Variants in CELSR2 observed in about 807,000 individuals in gnomAD.
CELSR2 encodes the protein EGF-like protein 2.
Under a neutral mutation model 251.6 loss-of-function variants are expected in CELSR2, and 81 were observed. The ratio of observed to expected loss-of-function variants is 0.32; its 90% CI spans 0.27 to 0.39. CELSR2 has a LOEUF of 0.39. Ranked by LOEUF, CELSR2 falls within the 10% of genes least tolerant of loss-of-function variation. CELSR2 has a pLI of 1.00. For synonymous variants in CELSR2, 1,721 were observed against 1,670.5 expected (o/e 1.03, Z -0.74); for missense variants, 3,365 against 3,947.7 (o/e 0.85, Z 3.96).
chr1:109,268,163 T>C (rs1656258032), intron 17 of CELSR2, 103 bp downstream of exon 17: 1 of 1,458,880 alleles, frequency 6.9e-7, no homozygotes, highest in Admixed American at 2.2e-5. Context: ...CCATCCCACC[T>C]ACAAGGAGCT....
At position 109,269,093 on chromosome 1, in the gene CELSR2, A is replaced by G. The variant is rs770905921; in HGVS notation, c.6632-17A>G. The stretch of plus-strand genomic sequence containing the variant: ...AGAGAGCAGGGCCCAGCTAAGTGTG[A>G]CAGTGTCCCCTCCCAGAGACGCCCC... On this transcript the variant is annotated splice_polypyrimidine_tract_variant and intron_variant, in intron 19 of 33. Coordinates refer to ENST00000271332, the MANE Select transcript of CELSR2 (RefSeq NM_001408.3). The surrounding 1 kb of genome is among the most constrained non-coding windows in gnomAD (Gnocchi z 6.4). The G allele has an allele frequency of 6.3e-7, 1 of 1,598,146 alleles. No individual in the cohort carries two copies.
chr1:109,255,336 C>T (rs982843638), intron 1 of CELSR2, among the ~76,000 whole-genome samples: 1 of 152,260 alleles, frequency 6.6e-6, no homozygotes, highest in African/African-American at 2.4e-5. Flanking sequence ...CTCTCCGGCT[C>T]TCCCACTTGC....
chr1:109,258,898 C>T lies in CELSR2; in HGVS notation c.3777C>T (p.Ser1259=). The change falls in exon 2 of 34, where the codon TCC becomes TCT. Residue 1259 remains serine, a synonymous_variant. Coordinates refer to ENST00000271332, the MANE Select transcript of CELSR2 (RefSeq NM_001408.3). ...FDSSAPFIAS[S]SVLFRPIHPV... ...CCTCCGCGCCCTTCATCGCCTCCTC[C>T]TCCGTGCTCTTCCGGCCCATCCACC... 6.2e-7 allele frequency: 1 copy of T among 1,612,608 alleles called. No individual in the cohort carries two copies. Among genetic ancestry groups the T allele is most frequent in the Non-Finnish European group, 8.5e-7 (1 of 1,179,526 alleles).
Position 109,269,898 on chromosome 1 carries a change from C to T in CELSR2, c.7108-35C>T. 1 of 1,614,016 alleles carries T rather than the reference C, an allele frequency of 6.2e-7. No individual in the cohort carries two copies. Among genetic ancestry groups the T allele is most frequent in the Non-Finnish European group, 8.5e-7 (1 of 1,179,974 alleles). ...GGCTGGGTGCTCAGGTCCTGCCCTT[C>T]CTAATTCCCTGGCCCCCTGCCACCT... On this transcript the variant is annotated intron_variant, in intron 22 of 33. Transcript: ENST00000271332. This position sits in a 1 kb window ranked among gnomAD's most constrained non-coding sequence, Gnocchi z 6.4.
intron 2 of CELSR2, among the ~76,000 whole-genome samples, chr1:109,260,837 G>A (rs569097469): frequency 2.6e-5 from 4 of 152,304 alleles, no homozygotes; most frequent in African/African-American, 9.6e-5. Context: ...GCGGCTCAGT[G>A]AGCCAAACAG....
rs1656440783 is a variant in CELSR2 at position 109,273,613 on chromosome 1, T to A, written c.8687T>A (p.Met2896Lys). The A allele has an allele frequency of 6.6e-7, 1 of 1,504,628 alleles. No homozygotes were observed. Among genetic ancestry groups the A allele is most frequent in the South Asian group, 1.2e-5 (1 of 82,970 alleles). The allele number at this position is 1,504,628 out of a possible 1,614,324, so 93.2% of individuals were successfully genotyped here. ...QSLQEQLNGV[M>K]PIAMSIKAGT... Reference sequence around the variant, plus strand: ...CTCCAGGAGCAGCTGAACGGGGTCATGCCCATCGCCATGAGCATCAAGGCA... The same window carrying A: ...CTCCAGGAGCAGCTGAACGGGGTCAAGCCCATCGCCATGAGCATCAAGGCA... The change falls in exon 33 of 34, where the codon ATG becomes AAG. Residue 2896 changes from methionine (M) to lysine (K), a missense_variant. Met to Lys is a moderately conservative substitution (Grantham distance 95). Around this residue, in one of 5 missense-constraint regions of CELSR2, gnomAD observed 2,093 missense variants for 2,382.8 expected, o/e 0.88. Transcript: ENST00000271332.
chr1:109,271,403 C>A lies in CELSR2; in HGVS notation c.7694C>A (p.Ser2565Tyr). The A allele has an allele frequency of 1.2e-6, 2 of 1,613,946 alleles. No homozygotes were observed. The highest frequency in any genetic ancestry group is 1.7e-6 in the Non-Finnish European group (2 of 1,180,020). The change falls in exon 27 of 34, where the codon TCC (serine) becomes TAC (tyrosine). Residue 2565 changes from serine to tyrosine, a missense_variant. Transcript: ENST00000271332. ...KKGPVSGLQPSFAVLLLLSAT... is the reference protein window; with the variant it reads ...KKGPVSGLQPYFAVLLLLSAT... The stretch of plus-strand genomic sequence containing the variant: ...ATCCCCAGCTCGGGCCTGCAGCCCT[C>A]CTTCGCCGTCCTCCTGCTGCTGAGC...
Position 109,274,245 on chromosome 1 carries a change from C to A in CELSR2, c.*196C>A, listed in dbSNP as rs1003594807. On this transcript the variant is annotated 3_prime_UTR_variant, in exon 34 of 34. Transcript: ENST00000271332. ...CTAAGGCCATCTAGTGCCAACTCCCCCCCCACCATTCCCCTCACTGCACTT... is the reference window on the plus strand; with the variant it reads ...CTAAGGCCATCTAGTGCCAACTCCCACCCCACCATTCCCCTCACTGCACTT... 3.7e-6 allele frequency: 5 copies of A among 1,362,786 alleles called. No individual in the cohort carries two copies. The Admixed American group carries it at 7.8e-5, about 21-fold the overall frequency. 84.4% of individuals were successfully genotyped at this position (1,362,786 alleles called of 1,614,324 possible).
intron 17 of CELSR2, 21 bp from the exon 18 acceptor site, chr1:109,268,560 C>G: frequency 6.3e-7 from 1 of 1,591,848 alleles, no homozygotes; most frequent in Non-Finnish European, 8.6e-7. Context: ...AGCACACCCA[C>G]CGTGACCTTG....
At position 109,250,601 on chromosome 1, in the gene CELSR2, T is replaced by C. The variant is rs1655658103; in HGVS notation, c.522T>C (p.Asn174=). 7 of 1,613,934 alleles carry C rather than the reference T, an allele frequency of 4.3e-6. No individual in the cohort carries two copies. Among genetic ancestry groups the C allele is most frequent in the Non-Finnish European group, 5.9e-6 (7 of 1,179,998 alleles). Residue 174 remains asparagine, a synonymous_variant, in exon 1 of 34, where the codon AAT becomes AAC. Coordinates refer to ENST00000271332, the MANE Select transcript of CELSR2 (RefSeq NM_001408.3). The surrounding 1 kb of genome is among the most constrained non-coding windows in gnomAD (Gnocchi z 4.4). ...EESLGGRRKR[N]VNTAPQFQPP... is the part of the protein sequence containing the mutation. The stretch of plus-strand genomic sequence containing the variant: ...CCCTGGGTGGGCGTCGGAAAAGGAA[T>C]GTAAATACAGCCCCCCAGTTCCAGC...
In CELSR2 at chr1:109,271,405, T is replaced by C; in HGVS notation, c.7696T>C (p.Phe2566Leu). The change falls in exon 27 of 34, where the codon TTC (phenylalanine) becomes CTC (leucine). Residue 2566 changes from phenylalanine to leucine, a missense_variant. Transcript: ENST00000271332. ...CCCCAGCTCGGGCCTGCAGCCCTCC[T>C]TCGCCGTCCTCCTGCTGCTGAGCGC... is the stretch of plus-strand genomic sequence containing the variant. Reference protein sequence around the residue: ...KGPVSGLQPSFAVLLLLSATW... With the variant: ...KGPVSGLQPSLAVLLLLSATW... 6.2e-7 allele frequency: 1 copy of C among 1,613,912 alleles called. No individual in the cohort carries two copies. The highest frequency in any genetic ancestry group is 1.1e-5 in the South Asian group (1 of 91,080).
Position 109,260,829 on chromosome 1 carries a change from G to A in CELSR2, c.3959-213G>A, listed in dbSNP as rs144422640. On this transcript the variant is annotated intron_variant, in intron 2 of 33. Coordinates refer to ENST00000271332, the MANE Select transcript of CELSR2 (RefSeq NM_001408.3). ...CAGTGCGTGGAGCTGTGGCGAGAGC[G>A]GCTCAGTGAGCCAAACAGGGTGCCC... Among the ~76,000 whole-genome samples, 89 of 152,278 alleles carry A rather than the reference G, an allele frequency of 5.8e-4. No homozygotes were observed. The East Asian group carries it at 8.3e-3, about 14-fold the overall frequency.
Position 109,273,149 on chromosome 1 carries a change from C to A in CELSR2, c.8339-17C>A. On this transcript the variant is annotated splice_polypyrimidine_tract_variant and intron_variant, in intron 31 of 33. Coordinates refer to ENST00000271332, the MANE Select transcript of CELSR2 (RefSeq NM_001408.3). ...ATCTGCCCTCTGTGGGCCTCATCTA[C>A]TTCCTTTCCCCACCAGATGGGGGCC... The A allele has an allele frequency of 6.2e-7, 1 of 1,609,958 alleles. No individual in the cohort carries two copies. The highest frequency in any genetic ancestry group is 8.5e-7 in the Non-Finnish European group (1 of 1,178,486).
rs1169277010 is a variant in CELSR2 at position 109,252,713 on chromosome 1, G to T, written c.2634G>T (p.Arg878Ser). 15 of 1,613,938 alleles carry T rather than the reference G, an allele frequency of 9.3e-6. No individual in the cohort carries two copies. Among genetic ancestry groups the T allele is most frequent in the Non-Finnish European group, 1.1e-5 (13 of 1,180,046 alleles). The change falls in exon 1 of 34, where the codon AGG becomes AGT. Residue 878 changes from arginine (R) to serine (S), a missense_variant. Around this residue, in one of 5 missense-constraint regions of CELSR2, gnomAD observed 505 missense variants for 660.0 expected, o/e 0.77. Coordinates refer to ENST00000271332, the MANE Select transcript of CELSR2 (RefSeq NM_001408.3). This position sits in a 1 kb window ranked among gnomAD's most constrained non-coding sequence, Gnocchi z 4.8. ...CAGGCATCGTGCGAACGCTACGGAG[G>T]CTGGATCGAGAGAACGTGGCCCAGT... ...STSGIVRTLRRLDRENVAQYV... is the reference protein window; with the variant it reads ...STSGIVRTLRSLDRENVAQYV...
chr1:109,269,149 C>T lies in CELSR2; in HGVS notation c.6671C>T (p.Ala2224Val). The T allele has an allele frequency of 6.2e-7, 1 of 1,610,612 alleles. No homozygotes were observed. Among genetic ancestry groups the T allele is most frequent in the Non-Finnish European group, 8.5e-7 (1 of 1,178,764 alleles). The change falls in exon 20 of 34, where the codon GCC becomes GTC. Residue 2224 changes from alanine to valine, a missense_variant. This residue lies in a region of CELSR2 where 2,093 missense variants were observed against 2,382.8 expected (regional missense o/e 0.88). Coordinates refer to ENST00000271332, the MANE Select transcript of CELSR2 (RefSeq NM_001408.3). This position sits in a 1 kb window ranked among gnomAD's most constrained non-coding sequence, Gnocchi z 6.4. ...GTCAGGCCCGCAGGCCCCGGAGAGG[C>T]CCAGGAGCCAGAGGAGCTGGCACGG... ...PVVRPAGPGE[A>V]QEPEELARRQ...
At chr1:109,266,579 T>TTTTTTTTC (rs1656198382) in intron 15 of CELSR2, 1 of 151,702 alleles carries the variant, frequency 6.6e-6, no homozygotes, top group African/African-American at 2.6e-5. Context: ...TTTTTTTTTT[T>TTTTTTTTC]TTTTTGTATT....
intron 6 of CELSR2, 114 bp from the exon 7 acceptor site, chr1:109,262,691 AG>A (rs1656052041): frequency 1.3e-6 from 2 of 1,520,006 alleles, no homozygotes; most frequent in Non-Finnish European, 1.8e-6. Flanking sequence ...ACTGCTCTGC[AG>A]GGCCTCTTGG....
chr1:109,253,250 A>T lies in CELSR2; in HGVS notation c.3171A>T (p.Ser1057=). Reference sequence around the variant, plus strand: ...TACCTGCCCATGACCCTGATATCTCAGATAGTCTGACTTACAGCTTTGAGC... The same window carrying T: ...TACCTGCCCATGACCCTGATATCTCTGATAGTCTGACTTACAGCTTTGAGC... ...GRVPAHDPDI[S]DSLTYSFERG... is the part of the protein sequence containing the mutation. Residue 1057 remains serine, a synonymous_variant, in exon 1 of 34, where the codon TCA becomes TCT. Transcript: ENST00000271332. The T allele has an allele frequency of 6.2e-7, 1 of 1,613,454 alleles. No homozygotes were observed. Among genetic ancestry groups the T allele is most frequent in the Non-Finnish European group, 8.5e-7 (1 of 1,180,010 alleles).
At position 109,250,487 on chromosome 1, in the gene CELSR2, G is replaced by C. The variant is rs770624909; in HGVS notation, c.408G>C (p.Pro136=). 6.2e-6 allele frequency: 10 copies of C among 1,613,750 alleles called. No homozygotes were observed. Among genetic ancestry groups the C allele is most frequent in the Non-Finnish European group, 7.6e-6 (9 of 1,180,020 alleles). The change falls in exon 1 of 34, where the codon CCG becomes CCC. Residue 136 remains proline, a synonymous_variant. Transcript: ENST00000271332. This position sits in a 1 kb window ranked among gnomAD's most constrained non-coding sequence, Gnocchi z 4.4. Reference sequence around the variant, plus strand: ...AGCTCACACTGCCCGAGGAGCACCCGTGCTTAAAGGCTCCACGGCTCAGAT... The same window carrying C: ...AGCTCACACTGCCCGAGGAGCACCCCTGCTTAAAGGCTCCACGGCTCAGAT... ...QGKLTLPEEH[P]CLKAPRLRCQ... is the part of the protein sequence containing the mutation.
Sources: allele counts gnomAD v4.1 joint callset (sites outside exome capture counted in the v4.1 genomes callset), GRCh38; gene constraint gnomAD v4.1.1; regional missense constraint gnomAD v4.1.1; non-coding constraint Gnocchi (gnomAD v3.1); transcripts MANE v1.5; gene names NCBI Gene and HGNC (gene_info 2026-07-23, HGNC 2026-07-21).